The following POLQ variants were observed in gnomAD, a reference collection of about 807,000 sequenced individuals.
The protein encoded by POLQ is epididymis secretory sperm binding protein.
A neutral mutation model predicts 259.2 loss-of-function variants in POLQ; 233 were observed. The observed-to-expected ratio is 0.90, with a 90% confidence interval of 0.81 to 1.00. The LOEUF (loss-of-function observed/expected upper bound fraction) is 1.00, where lower values mean the gene tolerates loss of function less well. POLQ is among the 50% of genes least tolerant of loss of function. POLQ has a pLI of 0.00. For missense variants in POLQ, 2,871 were observed against 3,051.6 expected (o/e 0.94, Z 1.39); for synonymous variants, 1,025 against 1,048.8 (o/e 0.98, Z 0.44).
chr3:121,503,273 A>G lies in POLQ; in HGVS notation c.1960-4603T>C, dbSNP rs572155880. On this transcript the variant is annotated intron_variant, in intron 12 of 29. Transcript: ENST00000264233. ...GTTATACCATATATCCTAGGTGTGT[A>G]GCAGGCTATACCATCTACATTTGTG... 2.6e-5 allele frequency among the ~76,000 whole-genome samples: 4 copies of G among 152,374 alleles called. No homozygotes were observed. In the South Asian group the frequency reaches 8.3e-4, roughly 32 times the overall value.
At chr3:121,494,138 C>T (rs1316958399) in intron 14 of POLQ, 18 of 802,558 alleles carry the variant, frequency 2.2e-5, no homozygotes, top group South Asian at 1.8e-4. Context: ...GCCAAGGGAA[C>T]GAAGGTGGCT....
At chr3:121,529,857 A>G in intron 6 of POLQ, 65 bp from the exon 7 acceptor site, 2 of 1,274,272 alleles carry the variant, frequency 1.6e-6, no homozygotes, top group Non-Finnish European at 2.2e-6. Context: ...TCAGTTTAAA[A>G]GCACTCATTT....
chr3:121,532,412 A>AT (rs926954629), intron 6 of POLQ, among the ~76,000 whole-genome samples: 2 of 152,068 alleles, frequency 1.3e-5, no homozygotes, highest in Admixed American at 6.6e-5. Flanking sequence ...AAGATCAGTT[A>AT]TTTTTTTTAA....
At chr3:121,524,260 C>T (rs114529714) in intron 7 of POLQ, among the ~76,000 whole-genome samples, 273 of 152,290 alleles carry the variant, frequency 1.8e-3, no homozygotes, top group African/African-American at 6.1e-3. Context: ...AGATGATACA[C>T]TGTTAGACAA....
chr3:121,517,855 A>C (rs2048309125), intron 9 of POLQ, among the ~76,000 whole-genome samples: 1 of 152,266 alleles, frequency 6.6e-6, no homozygotes, highest in Non-Finnish European at 1.5e-5. Flanking sequence ...TATAAGGCCT[A>C]GAATAGAATT....
chr3:121,519,961 G>A lies in POLQ; in HGVS notation c.1378C>T (p.Arg460Ter), dbSNP rs764622616. The change falls in exon 9 of 30, where the codon CGA becomes TGA. Residue 460 changes from arginine (R) to a stop codon, truncating the protein, a stop_gained. Coordinates refer to ENST00000264233, the MANE Select transcript of POLQ (RefSeq NM_199420.4). LOFTEE classifies it high-confidence loss of function. ...GGTCGACCACCAAAAATAGGGGTTC[G>A]AATAATCACACGACGTGCAGGTAAA... ...VNLPARRVII[R>*]TPIFGGRPLD... 7 of 1,612,050 alleles carry A rather than the reference G, an allele frequency of 4.3e-6. No homozygotes were observed. The highest frequency in any genetic ancestry group is 4.2e-6 in the Non-Finnish European group (5 of 1,178,392).
At chr3:121,456,097 T>C (rs563671567) in intron 25 of POLQ, among the ~76,000 whole-genome samples, 2 of 152,202 alleles carry the variant, frequency 1.3e-5, no homozygotes, top group Non-Finnish European at 1.5e-5. Flanking sequence ...TCAATAAATG[T>C]AATCCAGCAT....
At chr3:121,434,784 C>G (rs2108771724) in intron 28 of POLQ, among the ~76,000 whole-genome samples, 1 of 152,258 alleles carries the variant, frequency 6.6e-6, no homozygotes, top group South Asian at 2.1e-4. Flanking sequence ...TAATCATGAC[C>G]TTTCTGCCCC....
At chr3:121,517,821 A>G (rs1251476773) in intron 9 of POLQ, among the ~76,000 whole-genome samples, 3 of 152,196 alleles carry the variant, frequency 2.0e-5, no homozygotes, top group Non-Finnish European at 1.5e-5. Context: ...GCCATCATAT[A>G]AGGCCTAAAT....
chr3:121,529,057 T>C (rs2048392441), intron 7 of POLQ, among the ~76,000 whole-genome samples: 1 of 152,220 alleles, frequency 6.6e-6, no homozygotes, highest in African/African-American at 2.4e-5. Flanking sequence ...CATACCTTTT[T>C]CTTTTTGTTT....
chr3:121,480,054 G>C (rs1402656932), intron 19 of POLQ, among the ~76,000 whole-genome samples: 1 of 151,566 alleles, frequency 6.6e-6, no homozygotes, highest in Non-Finnish European at 1.5e-5. Context: ...AAAAAAGAGA[G>C]ACTTAGCAAT....
At chr3:121,433,447 C>G (rs189187867) in intron 28 of POLQ, among the ~76,000 whole-genome samples, 111 of 152,244 alleles carry the variant, frequency 7.3e-4, no homozygotes, top group African/African-American at 2.5e-3. Flanking sequence ...AAGGGGGACA[C>G]TCCCTCATGT....
At chr3:121,479,597 G>A (rs1463579499) in intron 19 of POLQ, among the ~76,000 whole-genome samples, 4 of 151,940 alleles carry the variant, frequency 2.6e-5, no homozygotes, top group Non-Finnish European at 5.9e-5. Context: ...GGGATTACAG[G>A]TGCATGCAAC....
intron 27 of POLQ, 37 bp downstream of exon 27, chr3:121,439,949 CATTGAA>C: frequency 6.5e-7 from 1 of 1,541,900 alleles, no homozygotes; most frequent in Non-Finnish European, 9.0e-7. Context: ...AAGTACATGT[CATTGAA>C]ATGTTAAGTT....
At chr3:121,481,446 A>C in intron 19 of POLQ, 126 bp downstream of exon 19, 1 of 863,022 alleles carries the variant, frequency 1.2e-6, no homozygotes, top group East Asian at 2.6e-5. Context: ...CTTTTACAGA[A>C]AAAAAGCACT....
Position 121,529,500 on chromosome 3 carries a change from G to C in POLQ, c.1108+145C>G, listed in dbSNP as rs952265052. The C allele has an allele frequency of 7.0e-5, 53 of 755,010 alleles. No individual in the cohort carries two copies. In the African/African-American group the frequency reaches 8.4e-4, roughly 12 times the overall value. The allele number at this position is 755,010 out of a possible 1,614,324, so 46.8% of individuals were successfully genotyped here. A position where few individuals can be genotyped will look rare whatever the true frequency, so the allele number is the denominator to read the frequency against. ...ACGGAATATTATTAGAATCGCAAAA[G>C]CACAGTTTGGTAAAAAGGATACCAC... On this transcript the variant is annotated intron_variant, in intron 7 of 29. Transcript: ENST00000264233.
At chr3:121,521,665 G>A (rs770112882) in intron 8 of POLQ, 1 of 159,362 alleles carries the variant, frequency 6.3e-6, no homozygotes, top group Non-Finnish European at 1.4e-5. Context: ...CGCCTCCTGG[G>A]TTCAAGCAAT....
At position 121,490,230 on chromosome 3, in the gene POLQ, A is replaced by G; in HGVS notation, c.2701T>C (p.Cys901Arg). 1 of 1,614,196 alleles carries G rather than the reference A, an allele frequency of 6.2e-7. No individual in the cohort carries two copies. Among genetic ancestry groups the G allele is most frequent in the South Asian group, 1.1e-5 (1 of 91,084 alleles). Residue 901 changes from cysteine to arginine, a missense_variant, in exon 16 of 30, where the codon TGT (cysteine) becomes CGT (arginine). Coordinates refer to ENST00000264233, the MANE Select transcript of POLQ (RefSeq NM_199420.4). ...LVEMGVQWNPCALLHSSTCSL... is the reference protein window; with the variant it reads ...LVEMGVQWNPRALLHSSTCSL... ...CATGTACTAGAATGTAACAGGGCAC[A>G]TGGATTCCATTGCACTCCCATTTCA...
At position 121,506,022 on chromosome 3, in the gene POLQ, C is replaced by CA. The variant is rs56305313; in HGVS notation, c.1959+3538dup. 5.2e-3 allele frequency among the ~76,000 whole-genome samples: 462 copies of CA among 88,406 alleles called. 8 individuals carry two copies. The highest frequency in any genetic ancestry group is 0.016 in the African/African-American group (339 of 21,464). The allele number at this position is 88,406 out of a possible 152,430, so 58.0% of individuals were successfully genotyped here. A position where few individuals can be genotyped will look rare whatever the true frequency, so the allele number is the denominator to read the frequency against. On this transcript the variant is annotated intron_variant, in intron 12 of 29. Transcript: ENST00000264233. Reference sequence around the variant, plus strand: ...GGGTGACAAGAGCGAAACTCCATCTCAAAAAAAAAAAAAAAAAAAATAGGG... The same window carrying CA: ...GGGTGACAAGAGCGAAACTCCATCTCAAAAAAAAAAAAAAAAAAAAATAGGG...
Sources: gnomAD v4.1 joint callset for allele counts (sites outside exome capture counted in the v4.1 genomes callset) on GRCh38, gnomAD v4.1.1 for gene constraint, MANE v1.5 for transcripts, NCBI Gene and HGNC (gene_info 2026-07-23, HGNC 2026-07-21) for gene names.